Variants in STPG2 observed in about 807,000 individuals in gnomAD.
STPG2 encodes the protein sperm tail PG-rich repeat containing 2.
A neutral mutation model predicts 54.2 loss-of-function variants in STPG2; 56 were observed. The ratio of observed to expected loss-of-function variants is 1.03; its 90% confidence interval spans 0.83 to 1.29. The LOEUF (loss-of-function observed/expected upper bound fraction) is 1.29. Among genes scored for constraint, STPG2 ranks in the 50% most tolerant of loss-of-function variants. STPG2 has a pLI of 0.00. For missense variants in STPG2, 596 were observed against 544.9 expected, an observed-to-expected ratio of 1.09 and a Z score of -0.93; for synonymous variants, 200 against 181.8, an observed-to-expected ratio of 1.10 and a Z score of -0.81.
chr4:97,461,550 C>T (rs1321229375), intron 4 of STPG2, among the ~76,000 whole-genome samples: 1 of 152,096 alleles, frequency 6.6e-6, no homozygotes, highest in African/African-American at 2.4e-5. Flanking sequence ...AGGGCCCTTA[C>T]CAGAACCCAA....
chr4:97,904,831 G>T (rs1731339525), intron 8 of STPG2, among the ~76,000 whole-genome samples: 1 of 152,326 alleles, frequency 6.6e-6, no homozygotes, highest in East Asian at 1.9e-4. Context: ...AGAAGCCGAT[G>T]CAATCAACTG....
At chr4:98,096,359 T>C (rs1197268958) in intron 5 of STPG2, among the ~76,000 whole-genome samples, 1 of 151,780 alleles carries the variant, frequency 6.6e-6, no homozygotes, top group African/African-American at 2.4e-5. Context: ...ATTATGCCAC[T>C]ACATTCCAGC....
At chr4:97,537,825 A>G (rs1158111363) in intron 4 of STPG2, among the ~76,000 whole-genome samples, 1 of 152,166 alleles carries the variant, frequency 6.6e-6, no homozygotes, top group South Asian at 2.1e-4. Flanking sequence ...TCACATGGCC[A>G]GGTACCCTTC....
chr4:97,876,975 T>A (rs1730194985), intron 8 of STPG2, among the ~76,000 whole-genome samples: 1 of 152,130 alleles, frequency 6.6e-6, no homozygotes, highest in African/African-American at 2.4e-5. Context: ...AGTTGACAAA[T>A]AATAATTATG....
chr4:97,570,166 T>C lies in STPG2; in HGVS notation c.1321-11049A>G, dbSNP rs543438714. Among the ~76,000 whole-genome samples the C allele has an allele frequency of 7.2e-5, 11 of 152,270 alleles. No homozygotes were observed. In the South Asian group the frequency reaches 8.3e-4, roughly 11 times the overall value. Reference sequence around the variant, plus strand: ...GCAGTATAAGATCCTGGATTGAATATTGTATTTCCCAAAAATGCTTCAGAT... The same window carrying C: ...GCAGTATAAGATCCTGGATTGAATACTGTATTTCCCAAAAATGCTTCAGAT... On this transcript the variant is annotated intron_variant, in intron 10 of 10. Coordinates refer to ENST00000295268, the MANE Select transcript of STPG2 (RefSeq NM_174952.3).
At chr4:97,890,255 G>A (rs1488376171) in intron 8 of STPG2, among the ~76,000 whole-genome samples, 1 of 151,884 alleles carries the variant, frequency 6.6e-6, no homozygotes, top group Non-Finnish European at 1.5e-5. Context: ...ATGGGTGAAG[G>A]TATCTTAAAA....
chr4:97,629,544 C>T (rs17026848), intron 10 of STPG2, among the ~76,000 whole-genome samples: 2,449 of 151,966 alleles, frequency 0.016, 54 homozygotes, highest in African/African-American at 0.056. Context: ...AATGACAGGG[C>T]TCATATTACG....
rs1728649543 is a variant in STPG2, at chr4:97,836,838, C to G, written c.1204+3935G>C. 2.0e-5 allele frequency among the ~76,000 whole-genome samples: 3 copies of G among 148,946 alleles called. No homozygotes were observed. The South Asian group carries it at 6.3e-4, about 31-fold the overall frequency. ...TTCATTAATTAATAATTAATATTAA[C>G]AATATTTAATTAATAAATGATAATT... On this transcript the variant is annotated intron_variant, in intron 9 of 10. Transcript: ENST00000295268.
intron 5 of STPG2, among the ~76,000 whole-genome samples, chr4:97,991,386 T>C (rs911402163): frequency 1.3e-5 from 2 of 151,004 alleles, no homozygotes; most frequent in Non-Finnish European, 3.0e-5. Context: ...TGTATATATA[T>C]GTGTATATAT....
intron 7 of STPG2, among the ~76,000 whole-genome samples, chr4:97,948,019 G>C (rs2149236875): frequency 6.8e-6 from 1 of 146,048 alleles, no homozygotes; most frequent in East Asian, 2.0e-4. Flanking sequence ...ATTCAGCTGT[G>C]AACCCATCTG....
chr4:98,116,262 AT>A (rs1196293635), intron 3 of STPG2, among the ~76,000 whole-genome samples: 1 of 151,740 alleles, frequency 6.6e-6, no homozygotes, highest in African/African-American at 2.4e-5. Context: ...CAAAAAAAAA[AT>A]AGCTTAAAGC....
At chr4:97,908,816 G>C (rs1274729546) in intron 8 of STPG2, among the ~76,000 whole-genome samples, 1 of 144,968 alleles carries the variant, frequency 6.9e-6, no homozygotes, top group East Asian at 2.1e-4. Context: ...ATTGAACAAT[G>C]AGAACACATG....
intron 8 of STPG2, among the ~76,000 whole-genome samples, chr4:97,877,471 T>A (rs1365617819): frequency 6.6e-6 from 1 of 152,164 alleles, no homozygotes; most frequent in African/African-American, 2.4e-5. Context: ...GACTCACAGT[T>A]CCACGTGGCT....
intron 3 of STPG2, among the ~76,000 whole-genome samples, chr4:98,119,175 C>T (rs1156746001): frequency 1.3e-5 from 2 of 152,084 alleles, no homozygotes; most frequent in Non-Finnish European, 2.9e-5. Context: ...ATTCACTTTA[C>T]ATGAGTTAAA....
intron 9 of STPG2, among the ~76,000 whole-genome samples, chr4:97,781,370 G>A (rs1260810534): frequency 6.6e-6 from 1 of 152,094 alleles, no homozygotes; most frequent in African/African-American, 2.4e-5. Flanking sequence ...ACCCTCCCAA[G>A]ACTAAACCAG....
chr4:97,641,728 T>A (rs1721771957), intron 10 of STPG2, among the ~76,000 whole-genome samples: 1 of 151,498 alleles, frequency 6.6e-6, no homozygotes, highest in Non-Finnish European at 1.5e-5. Flanking sequence ...AAATATATAG[T>A]ACTATAATAA....
chr4:97,833,364 A>G (rs575683869), intron 9 of STPG2, among the ~76,000 whole-genome samples: 1 of 152,366 alleles, frequency 6.6e-6, no homozygotes, highest in African/African-American at 2.4e-5. Flanking sequence ...CTCAAGATGA[A>G]TTAAACACTT....
chr4:97,693,180 T>G (rs1723434181), intron 10 of STPG2, among the ~76,000 whole-genome samples: 1 of 149,694 alleles, frequency 6.7e-6, no homozygotes, highest in Non-Finnish European at 1.5e-5. Flanking sequence ...AATAGCATGA[T>G]GAATAGAATA....
chr4:97,609,935 A>G (rs1211713432), intron 10 of STPG2, among the ~76,000 whole-genome samples: 2 of 151,968 alleles, frequency 1.3e-5, no homozygotes, highest in East Asian at 3.9e-4. Context: ...ATGTATATGT[A>G]TATATATATT....
Sources: allele counts gnomAD v4.1 joint callset (sites outside exome capture counted in the v4.1 genomes callset), GRCh38; gene constraint gnomAD v4.1.1; transcripts MANE v1.5; gene names NCBI Gene and HGNC (gene_info 2026-07-23, HGNC 2026-07-21).